The following ATG16L1 variants were observed in gnomAD, a reference collection of about 807,000 sequenced individuals.
The protein encoded by ATG16L1 is autophagy-related protein 16-1.
In ATG16L1, 37 loss-of-function variants were observed where a neutral mutation model predicts 88.5. That is an observed-to-expected ratio of 0.42 (90% CI 0.32 to 0.55). ATG16L1 has a LOEUF of 0.55. Ranked by LOEUF, ATG16L1 falls within the 20% of genes least tolerant of loss-of-function variation. The pLI is 0.13. For synonymous variants in ATG16L1, 301 were observed against 281.0 expected (o/e 1.07, Z -0.71); for missense variants, 554 against 752.8 (o/e 0.74, Z 3.09).
At chr2:233,284,947 A>G (rs1424319351) in intron 12 of ATG16L1, among the ~76,000 whole-genome samples, 3 of 152,374 alleles carry the variant, frequency 2.0e-5, no homozygotes, top group Admixed American at 2.0e-4. Context: ...AGGTCCGAAC[A>G]TGCAAAATAA....
At chr2:233,279,579 A>C (rs1698589559) in intron 10 of ATG16L1, among the ~76,000 whole-genome samples, 1 of 152,226 alleles carries the variant, frequency 6.6e-6, no homozygotes, top group East Asian at 1.9e-4. Context: ...TGAATCTTGG[A>C]AGAGGCCAAG....
intron 5 of ATG16L1, among the ~76,000 whole-genome samples, chr2:233,268,854 C>A (rs554535259): frequency 5.3e-5 from 8 of 152,302 alleles, no homozygotes; most frequent in Admixed American, 2.6e-4. Context: ...AGAGGACTTT[C>A]CTTCATTTTG....
Position 233,264,904 on chromosome 2 carries a change from T to C in ATG16L1, c.402T>C (p.Cys134=). 1 of 1,613,938 alleles carries C rather than the reference T, an allele frequency of 6.2e-7. No individual in the cohort carries two copies. Among genetic ancestry groups the C allele is most frequent in the Non-Finnish European group, 8.5e-7 (1 of 1,179,868 alleles). Residue 134 remains cysteine (C), a synonymous_variant, in exon 5 of 18, where the codon TGT becomes TGC. Transcript: ENST00000392017. ...GTCATGCTTCCAGAATTGCAGAATG[T>C]TTGCAGACTATCTCTGACCTGGAGA... ...MQMNEAKIAE[C]LQTISDLETE...
At chr2:233,292,567 C>A in intron 16 of ATG16L1, 133 bp downstream of exon 16, 2 of 1,073,880 alleles carry the variant, frequency 1.9e-6, no homozygotes, top group South Asian at 1.4e-5. Flanking sequence ...CCTGTAAGTT[C>A]ATAATTGCAG....
chr2:233,284,668 C>G (rs1484436943), intron 12 of ATG16L1, among the ~76,000 whole-genome samples: 2 of 152,068 alleles, frequency 1.3e-5, no homozygotes, highest in African/African-American at 4.8e-5. Flanking sequence ...CGGGGTTTCC[C>G]CATGTTGGCT....
intron 16 of ATG16L1, 48 bp downstream of exon 16, chr2:233,292,482 C>T: frequency 1.2e-6 from 2 of 1,610,168 alleles, no homozygotes; most frequent in South Asian, 2.2e-5. Context: ...ACAAAGAGTC[C>T]TGCATGGGCA....
At chr2:233,282,953 C>T (rs1698814705) in intron 12 of ATG16L1, 200 bp downstream of exon 12, 1 of 532,418 alleles carries the variant, frequency 1.9e-6, no homozygotes, top group Non-Finnish European at 3.4e-6. Context: ...AAAATATTTG[C>T]AATGGGACCC....
rs367961958 is a variant in ATG16L1 at position 233,294,323 on chromosome 2, C to T, written c.1797C>T (p.Cys599=). The change falls in exon 18 of 18, where the codon TGC becomes TGT. Residue 599 remains cysteine, a synonymous_variant. Coordinates refer to ENST00000392017, the MANE Select transcript of ATG16L1 (RefSeq NM_030803.7). ...GSHVVSVDKG[C]KAVLWAQY ...ACGTTGTCAGTGTGGACAAAGGATG[C>T]AAAGCTGTGCTGTGGGCACAGTACT... 1.9e-6 allele frequency: 3 copies of T among 1,613,574 alleles called. No individual in the cohort carries two copies. The highest frequency in any genetic ancestry group is 2.7e-5 in the African/African-American group (2 of 74,918).
intron 1 of ATG16L1, among the ~76,000 whole-genome samples, chr2:233,253,331 GGTTTTTTT>G (rs1216720318): frequency 4.9e-5 from 5 of 102,826 alleles, no homozygotes; most frequent in East Asian, 2.7e-4. Context: ...GGTGAGACTG[GGTTTTTTT>G]GTTTTTTTTT....
intron 6 of ATG16L1, 32 bp downstream of exon 6, chr2:233,270,099 TTC>T: frequency 6.5e-7 from 1 of 1,539,568 alleles, no homozygotes; most frequent in Non-Finnish European, 8.7e-7. Flanking sequence ...AAAACTGTGT[TTC>T]TGAAAATTTG....
At chr2:233,291,179 A>G (rs1339529412) in intron 14 of ATG16L1, among the ~76,000 whole-genome samples, 1 of 152,202 alleles carries the variant, frequency 6.6e-6, no homozygotes, top group Non-Finnish European at 1.5e-5. Context: ...GGGTGGGGGT[A>G]CAGGGCCTGT....
intron 4 of ATG16L1, 70 bp downstream of exon 4, chr2:233,264,135 G>C: frequency 6.5e-7 from 1 of 1,532,582 alleles, no homozygotes; most frequent in Non-Finnish European, 9.0e-7. Context: ...CTGACCTCTT[G>C]TGAGCAGGGC....
At chr2:233,265,278 A>G in intron 5 of ATG16L1, 135 bp downstream of exon 5, 2 of 1,129,228 alleles carry the variant, frequency 1.8e-6, no homozygotes, top group Non-Finnish European at 2.5e-6. Flanking sequence ...CAAGGAGAAA[A>G]GCTAATTCTG....
chr2:233,283,817 G>A (rs1421928858), intron 12 of ATG16L1, among the ~76,000 whole-genome samples: 1 of 151,900 alleles, frequency 6.6e-6, no homozygotes, highest in Non-Finnish European at 1.5e-5. Flanking sequence ...GATTACAGGC[G>A]TGAGCCACTG....
chr2:233,283,601 G>GGTAC (rs756041286), intron 12 of ATG16L1, among the ~76,000 whole-genome samples: 8 of 151,478 alleles, frequency 5.3e-5, no homozygotes, highest in Non-Finnish European at 1.2e-4. Context: ...TCTTGTGTGG[G>GGTAC]GTACAGTAGT....
In ATG16L1 at chr2:233,262,402, C is replaced by T. The variant is rs866143032; in HGVS notation, c.210-728C>T. On this transcript the variant is annotated intron_variant, in intron 2 of 17. Transcript: ENST00000392017. ...AGAGCCCTCCAGCAGCTTCCCTTCA[C>T]GCCTAGTAAACCTCACAGCCCTCGG... 3.3e-5 allele frequency among the ~76,000 whole-genome samples: 5 copies of T among 152,304 alleles called. No individual in the cohort carries two copies. In the South Asian group the frequency reaches 1.0e-3, roughly 32 times the overall value.
chr2:233,287,846 C>G (rs1447311877), intron 12 of ATG16L1, among the ~76,000 whole-genome samples: 5 of 152,116 alleles, frequency 3.3e-5, no homozygotes, highest in African/African-American at 1.2e-4. Flanking sequence ...CCACTGCACT[C>G]CAGCTTGGGT....
chr2:233,251,718 G>A lies in ATG16L1; in HGVS notation c.-110G>A, dbSNP rs1210899394. ...GGGGACTGCCAGTGTGTGGAGGTGA[G>A]CTCCGGGATTGCCGGCATTCCCGCT... On this transcript the variant is annotated 5_prime_UTR_variant, in exon 1 of 18. Coordinates refer to ENST00000392017, the MANE Select transcript of ATG16L1 (RefSeq NM_030803.7). 8.3e-6 allele frequency: 8 copies of A among 961,776 alleles called. No homozygotes were observed. The East Asian group carries it at 1.1e-4, about 13-fold the overall frequency. The allele number at this position is 961,776 out of a possible 1,614,324, so 59.6% of individuals were successfully genotyped here.
intron 2 of ATG16L1, among the ~76,000 whole-genome samples, chr2:233,256,914 C>T (rs576751800): frequency 6.6e-6 from 1 of 152,218 alleles, no homozygotes; most frequent in East Asian, 1.9e-4. Flanking sequence ...GTTGGCCAGG[C>T]TGGTCTCGAA....
Sources: gnomAD v4.1 joint callset for allele counts (sites outside exome capture counted in the v4.1 genomes callset) on GRCh38, gnomAD v4.1.1 for gene constraint, MANE v1.5 for transcripts, NCBI Gene and HGNC (gene_info 2026-07-23, HGNC 2026-07-21) for gene names.